The following FAM133B variants were observed in gnomAD, a reference collection of about 807,000 sequenced individuals.
FAM133B encodes protein FAM133B.
A neutral mutation model predicts 46.4 loss-of-function variants in FAM133B; 25 were observed. The ratio of observed to expected loss-of-function variants is 0.54; its 90% CI spans 0.39 to 0.75. The LOEUF (loss-of-function observed/expected upper bound fraction) is 0.75, where lower values mean the gene tolerates loss of function less well. FAM133B is among the 30% of genes least tolerant of loss of function. The pLI, the probability that FAM133B is intolerant of heterozygous loss-of-function variation, is 0.00. For missense variants in FAM133B, 205 were observed against 277.6 expected (o/e 0.74, Z 1.86); for synonymous variants, 75 against 86.0 (o/e 0.87, Z 0.71).
chr7:92,568,615 G>A (rs1309310859), intron 9 of FAM133B, among the ~76,000 whole-genome samples: 3 of 147,642 alleles, frequency 2.0e-5, no homozygotes, highest in South Asian at 2.2e-4. Flanking sequence ...TGATCCACCC[G>A]CCTCAGCCTC....
At chr7:92,578,604 G>A (rs180880530) in intron 3 of FAM133B, among the ~76,000 whole-genome samples, 7 of 152,296 alleles carry the variant, frequency 4.6e-5, no homozygotes, top group African/African-American at 1.7e-4. Flanking sequence ...CATATTAAGG[G>A]ATAGGGGTTC....
intron 1 of FAM133B, among the ~76,000 whole-genome samples, chr7:92,583,773 G>A (rs1794956474): frequency 6.6e-6 from 1 of 151,838 alleles, no homozygotes; most frequent in African/African-American, 2.4e-5. Context: ...GGTCAGCCAG[G>A]CGCGGTGGCT....
chr7:92,590,250 T>G lies in FAM133B; in HGVS notation c.24+18A>C. On this transcript the variant is annotated intron_variant, in intron 1 of 10. Transcript: ENST00000445716. ...CGGGCCCTGCGTCGCCCCACTGTTT[T>G]CCCGGCTGAGTACTCACCACCCGAT... The G allele has an allele frequency of 6.2e-7, 1 of 1,613,538 alleles. No individual in the cohort carries two copies. Among genetic ancestry groups the G allele is most frequent in the Non-Finnish European group, 8.5e-7 (1 of 1,179,604 alleles).
chr7:92,581,842 A>G (rs930251526), intron 1 of FAM133B: 2 of 406,170 alleles, frequency 4.9e-6, no homozygotes, highest in Non-Finnish European at 9.0e-6. Flanking sequence ...GTTTTACAAG[A>G]GATTTGATGA....
intron 8 of FAM133B, among the ~76,000 whole-genome samples, chr7:92,572,245 T>A (rs1313614356): frequency 6.6e-6 from 1 of 152,214 alleles, no homozygotes; most frequent in Non-Finnish European, 1.5e-5. Flanking sequence ...ACCATTTGTA[T>A]ACATTAAATT....
At chr7:92,577,474 A>G in intron 6 of FAM133B, 181 bp downstream of exon 6, 1 of 468,168 alleles carries the variant, frequency 2.1e-6, no homozygotes, top group Non-Finnish European at 3.7e-6. Flanking sequence ...TCTAAAAAAT[A>G]TATTATATAC....
At chr7:92,581,351 T>C (rs1794863722) in intron 2 of FAM133B, among the ~76,000 whole-genome samples, 155 bp downstream of exon 2, 1 of 152,234 alleles carries the variant, frequency 6.6e-6, no homozygotes, top group African/African-American at 2.4e-5. Flanking sequence ...GTACACGTGT[T>C]TCACACATTC....
chr7:92,575,683 T>A, intron 8 of FAM133B, 88 bp downstream of exon 8: 1 of 590,354 alleles, frequency 1.7e-6, no homozygotes, highest in Non-Finnish European at 2.8e-6. Flanking sequence ...TAAATATATC[T>A]CTTAAAAAGA....
chr7:92,576,517 T>C (rs1242962109), intron 7 of FAM133B, among the ~76,000 whole-genome samples: 1 of 152,186 alleles, frequency 6.6e-6, no homozygotes, highest in Non-Finnish European at 1.5e-5. Context: ...TCTAGTACAG[T>C]GTTTGTCAAA....
chr7:92,577,014 A>C, intron 7 of FAM133B, 89 bp downstream of exon 7: 3 of 694,152 alleles, frequency 4.3e-6, no homozygotes, highest in Non-Finnish European at 6.6e-6. Flanking sequence ...ATATCAGACT[A>C]TCTTATTTTT....
At chr7:92,588,721 TCTCATGAATGGCTTAGCATC>T (rs1795104377) in intron 1 of FAM133B, among the ~76,000 whole-genome samples, 1 of 152,024 alleles carries the variant, frequency 6.6e-6, no homozygotes, top group Non-Finnish European at 1.5e-5. Flanking sequence ...GGGGCGGAGT[TCTCATGAATGGCTTAGCATC>T]CTCCTCTCCC....
In FAM133B at chr7:92,586,301, T is replaced by C. The variant is rs528685381; in HGVS notation, c.24+3967A>G. Among the ~76,000 whole-genome samples the C allele has an allele frequency of 5.3e-4, 80 of 152,360 alleles. 1 individual carries two copies. The highest frequency in any genetic ancestry group is 3.3e-3 in the South Asian group (16 of 4,828). On this transcript the variant is annotated intron_variant, in intron 1 of 10. Transcript: ENST00000445716. ...ATTTTTTAAAGTGCATCTTATGTTC[T>C]AGGCTCCATGCAAAACACTTGATAG...
At chr7:92,572,632 T>C (rs941260145) in intron 8 of FAM133B, among the ~76,000 whole-genome samples, 24 of 152,140 alleles carry the variant, frequency 1.6e-4, no homozygotes, top group Non-Finnish European at 1.2e-4. Context: ...GGCAGGAGAA[T>C]TGCTTGAACC....
intron 3 of FAM133B, chr7:92,579,052 G>A (rs147003529): frequency 3.2e-4 from 103 of 321,986 alleles, no homozygotes; most frequent in African/African-American, 2.1e-3. Context: ...AAGCATGCAC[G>A]TAAATACAAA....
At chr7:92,570,547 C>G (rs1269481152) in intron 8 of FAM133B, among the ~76,000 whole-genome samples, 3 of 152,056 alleles carry the variant, frequency 2.0e-5, no homozygotes, top group African/African-American at 7.2e-5. Flanking sequence ...TTTATTCGAG[C>G]TGCATAGTGG....
In FAM133B at chr7:92,590,303, G is replaced by C. The variant is rs747235712; in HGVS notation, c.-12C>G. On this transcript the variant is annotated 5_prime_UTR_variant, in exon 1 of 11. Coordinates refer to ENST00000445716, the MANE Select transcript of FAM133B (RefSeq NM_152789.4). ...TCCCGCTTCCCCATGGTGCTGGATC[G>C]AGCGCACAGTAGCACGCCGAGGGAA... 6.2e-7 allele frequency: 1 copy of C among 1,613,754 alleles called. No homozygotes were observed. Among genetic ancestry groups the C allele is most frequent in the Admixed American group, 1.7e-5 (1 of 60,026 alleles).
At chr7:92,578,606 T>C (rs1794772462) in intron 3 of FAM133B, among the ~76,000 whole-genome samples, 1 of 152,194 alleles carries the variant, frequency 6.6e-6, no homozygotes, top group Admixed American at 6.5e-5. Flanking sequence ...TATTAAGGGA[T>C]AGGGGTTCTG....
At chr7:92,566,173 T>C (rs1794342778) in intron 9 of FAM133B, 112 bp from the exon 10 acceptor site, 1 of 964,574 alleles carries the variant, frequency 1.0e-6, no homozygotes, top group African/African-American at 1.6e-5. Flanking sequence ...GTAAAAAACA[T>C]TTTGACAATC....
At chr7:92,587,270 A>C (rs546744867) in intron 1 of FAM133B, among the ~76,000 whole-genome samples, 4 of 152,350 alleles carry the variant, frequency 2.6e-5, no homozygotes, top group African/African-American at 9.6e-5. Flanking sequence ...TTTTTGAGAC[A>C]ATCTCAAAAA....
Sources: allele counts gnomAD v4.1 joint callset (sites outside exome capture counted in the v4.1 genomes callset), GRCh38; gene constraint gnomAD v4.1.1; transcripts MANE v1.5; gene names NCBI Gene and HGNC (gene_info 2026-07-23, HGNC 2026-07-21).